The following C1QTNF7 variants were observed in gnomAD, a reference collection of about 807,000 sequenced individuals.
The protein encoded by C1QTNF7 is complement C1q tumor necrosis factor-related protein 7.
A neutral mutation model predicts 19.6 loss-of-function variants in C1QTNF7; 15 were observed. The observed-to-expected ratio is 0.76, with a 90% confidence interval of 0.51 to 1.18. The LOEUF is 1.18. Among genes scored for constraint, C1QTNF7 ranks in the 50% most tolerant of loss-of-function variants. C1QTNF7 has a pLI of 0.00. For synonymous variants in C1QTNF7, 142 were observed against 137.5 expected, an observed-to-expected ratio of 1.03 and a Z score of -0.23; for missense variants, 324 against 359.7, an observed-to-expected ratio of 0.90 and a Z score of 0.80.
intron 1 of C1QTNF7, chr4:15,374,619 A>G (rs1717859450): frequency 1.0e-6 from 1 of 985,230 alleles, no homozygotes; most frequent in Non-Finnish European, 1.2e-6. Context: ...ACGCTTTTGA[A>G]AGCGAATCAG....
intron 1 of C1QTNF7, among the ~76,000 whole-genome samples, chr4:15,396,159 C>T (rs1254471643): frequency 6.6e-6 from 1 of 152,186 alleles, no homozygotes; most frequent in Non-Finnish European, 1.5e-5. Context: ...GACCAGGGCA[C>T]CAGCAATGGA....
intron 1 of C1QTNF7, among the ~76,000 whole-genome samples, chr4:15,396,448 G>A (rs1465233791): frequency 6.6e-6 from 1 of 152,116 alleles, no homozygotes; most frequent in Non-Finnish European, 1.5e-5. Context: ...TTTTCTCAGC[G>A]CTTCCAGTGT....
chr4:15,442,708 AC>A lies in C1QTNF7; in HGVS notation c.782del (p.Pro261GlnfsTer20). The A allele has an allele frequency of 1.2e-6, 2 of 1,614,136 alleles. No individual in the cohort carries two copies. The highest frequency in any genetic ancestry group is 1.7e-6 in the Non-Finnish European group (2 of 1,180,030). On this transcript the variant is annotated frameshift_variant, in exon 3 of 3. Transcript: ENST00000444304. LOFTEE classifies it high-confidence loss of function. ...ACAGACCAGAATGGCCTCTTCTCAG[AC>A]CCAGGTTGGGCAGACAGCTTATTCT... ...FFTDQNGLFSDPGWADSLFSG... is the reference protein window; with the variant it reads ...FFTDQNGLFSXPGWADSLFSG...
At position 15,412,577 on chromosome 4, in the gene C1QTNF7, T is replaced by C. The variant is rs531190437; in HGVS notation, c.14-23159T>C. On this transcript the variant is annotated intron_variant, in intron 1 of 2. Transcript: ENST00000295297. ...TTGTGATTACAGCACAGGGCCCACT[T>C]AGATGATCCAGGATAACCAGCCCAC... Among the ~76,000 whole-genome samples, 77 of 152,226 alleles carry C rather than the reference T, an allele frequency of 5.1e-4. 1 individual carries two copies. The highest frequency in any genetic ancestry group is 1.7e-3 in the African/African-American group (72 of 41,544).
At chr4:15,438,127 G>A (rs1468043943) in intron 2 of C1QTNF7, among the ~76,000 whole-genome samples, 17 of 152,050 alleles carry the variant, frequency 1.1e-4, no homozygotes, top group Admixed American at 9.8e-4. Context: ...AACCCTATTA[G>A]CAATAATTAT....
At chr4:15,384,725 T>A (rs1490829047) in intron 1 of C1QTNF7, among the ~76,000 whole-genome samples, 1 of 152,256 alleles carries the variant, frequency 6.6e-6, no homozygotes, top group Non-Finnish European at 1.5e-5. Context: ...TAAACTTTAC[T>A]GGGCCAGATC....
intron 1 of C1QTNF7, among the ~76,000 whole-genome samples, chr4:15,357,389 C>T (rs1447608761): frequency 6.6e-6 from 1 of 152,252 alleles, no homozygotes; most frequent in East Asian, 1.9e-4. Flanking sequence ...TCAGGTTTGT[C>T]AAAGATCAGA....
At chr4:15,378,051 A>G (rs920361220) in intron 1 of C1QTNF7, among the ~76,000 whole-genome samples, 2 of 152,224 alleles carry the variant, frequency 1.3e-5, no homozygotes, top group African/African-American at 2.4e-5. Flanking sequence ...ATAAACCAGA[A>G]TGTAACTTCA....
chr4:15,340,009 G>T, exon 1 of C1QTNF7: 1 of 733,540 alleles, frequency 1.4e-6, no homozygotes. Flanking sequence ...TGAGCTCCAA[G>T]CTTCAAACGC....
chr4:15,416,613 C>A (rs1719616199), intron 1 of C1QTNF7, among the ~76,000 whole-genome samples: 1 of 152,204 alleles, frequency 6.6e-6, no homozygotes, highest in Admixed American at 6.5e-5. Flanking sequence ...CAGCTGTCTC[C>A]ACGATACTCG....
chr4:15,372,851 C>T (rs1032678960), intron 1 of C1QTNF7, among the ~76,000 whole-genome samples: 2 of 151,914 alleles, frequency 1.3e-5, no homozygotes, highest in African/African-American at 4.8e-5. Context: ...GAAAGAAAAC[C>T]AATAGCAGCA....
At chr4:15,420,870 C>CTCA (rs1471540924) in intron 1 of C1QTNF7, among the ~76,000 whole-genome samples, 2 of 118,690 alleles carry the variant, frequency 1.7e-5, no homozygotes, top group African/African-American at 6.3e-5. Flanking sequence ...AACCTCAGTG[C>CTCA]TCAGCTTTCC....
At position 15,389,772 on chromosome 4, in the gene C1QTNF7, G is replaced by C. The variant is rs112215915; in HGVS notation, c.14-45964G>C. On this transcript the variant is annotated intron_variant, in intron 1 of 2. Coordinates refer to the C1QTNF7 transcript ENST00000295297. ...CAGAAATCTCTAGGGTGCCTTCCTT[G>C]ATCCCCTAGAGATTTTCATAAACTG... is the stretch of plus-strand genomic sequence containing the variant. Among the ~76,000 whole-genome samples the C allele has an allele frequency of 5.3e-5, 8 of 152,208 alleles. 1 individual carries two copies. The highest frequency in any genetic ancestry group is 1.7e-4 in the African/African-American group (7 of 41,546).
chr4:15,358,499 A>G (rs1012312605), intron 1 of C1QTNF7: 1 of 152,110 alleles, frequency 6.6e-6, no homozygotes, highest in Non-Finnish European at 1.5e-5. Context: ...GGATTTTCAC[A>G]TCGATGTTCA....
At chr4:15,433,660 G>A (rs1439864366) in intron 1 of C1QTNF7, among the ~76,000 whole-genome samples, 1 of 152,132 alleles carries the variant, frequency 6.6e-6, no homozygotes. Context: ...CACACAAGTA[G>A]CAGACAAATA....
chr4:15,364,385 G>GA (rs977987001), intron 1 of C1QTNF7, among the ~76,000 whole-genome samples: 16 of 152,212 alleles, frequency 1.1e-4, no homozygotes, highest in African/African-American at 3.9e-4. Flanking sequence ...TAATGAGTGA[G>GA]AAAAAAATAA....
chr4:15,383,127 G>A (rs1718208018), intron 1 of C1QTNF7, among the ~76,000 whole-genome samples: 2 of 152,074 alleles, frequency 1.3e-5, no homozygotes, highest in African/African-American at 2.4e-5. Context: ...TCTCTGTGCT[G>A]TACCCACATG....
chr4:15,378,432 A>G (rs1200262982), intron 1 of C1QTNF7, among the ~76,000 whole-genome samples: 1 of 152,232 alleles, frequency 6.6e-6, no homozygotes, highest in Non-Finnish European at 1.5e-5. Context: ...AAGAAGAAAG[A>G]AAAAAATCTC....
At chr4:15,420,826 CTTTTTTTTTTTTTTTTTT>C (rs61609914) in intron 1 of C1QTNF7, among the ~76,000 whole-genome samples, 1 of 66,242 alleles carries the variant, frequency 1.5e-5, no homozygotes, top group Non-Finnish European at 2.6e-5. Context: ...ACTGCTTTGT[CTTTTTTTTTTTTTTTTTT>C]TTTTTTTTTT....
Sources: gnomAD v4.1 joint callset for allele counts (sites outside exome capture counted in the v4.1 genomes callset) on GRCh38, gnomAD v4.1.1 for gene constraint, MANE v1.5 for transcripts, NCBI Gene and HGNC (gene_info 2026-07-23, HGNC 2026-07-21) for gene names.